CCDC102B: variants seen among roughly 807,000 people sequenced by gnomAD.
The protein encoded by CCDC102B is coiled-coil domain-containing protein 102B.
CCDC102B carries 75 observed loss-of-function variants against 57.4 expected under a neutral mutation model. The observed-to-expected ratio is 1.31, with a 90% confidence interval of 1.08 to 1.58. The LOEUF (loss-of-function observed/expected upper bound fraction) is 1.58, where lower values mean the gene tolerates loss of function less well. Among genes scored for constraint, CCDC102B ranks in the 40% most tolerant of loss-of-function variants. The pLI is 0.00. For missense variants in CCDC102B, 636 were observed against 582.6 expected, an observed-to-expected ratio of 1.09 and a Z score of -0.94; for synonymous variants, 206 against 201.9, an observed-to-expected ratio of 1.02 and a Z score of -0.17.
chr18:68,984,196 A>G (rs1358485253), intron 6 of CCDC102B, among the ~76,000 whole-genome samples: 1 of 152,008 alleles, frequency 6.6e-6, no homozygotes, highest in African/African-American at 2.4e-5. Flanking sequence ...AAAGTTTAAA[A>G]TATCCTCTCT....
intron 7 of CCDC102B, among the ~76,000 whole-genome samples, chr18:69,028,879 C>CT (rs959401605): frequency 6.0e-5 from 9 of 151,098 alleles, no homozygotes; most frequent in Non-Finnish European, 8.8e-5. Flanking sequence ...GTGTACAGCT[C>CT]TTTTTTAAAA....
chr18:68,940,483 C>T (rs903840766), intron 6 of CCDC102B, among the ~76,000 whole-genome samples: 2 of 151,768 alleles, frequency 1.3e-5, no homozygotes, highest in Non-Finnish European at 2.9e-5. Flanking sequence ...ATGAAAGCCA[C>T]ATTATTTCAC....
At chr18:68,743,182 G>A (rs748745870) in intron 2 of CCDC102B, among the ~76,000 whole-genome samples, 269 of 151,358 alleles carry the variant, frequency 1.8e-3, no homozygotes, top group African/African-American at 6.2e-3. Context: ...CCTGGCCAAC[G>A]TGGTGAAACA....
chr18:68,999,623 G>T (rs1371320746), intron 6 of CCDC102B, among the ~76,000 whole-genome samples: 1 of 150,440 alleles, frequency 6.6e-6, no homozygotes, highest in Non-Finnish European at 1.5e-5. Flanking sequence ...TTGTTTGTTT[G>T]TTTGTTTTGT....
intron 6 of CCDC102B, among the ~76,000 whole-genome samples, chr18:68,968,894 A>T (rs1353625542): frequency 6.6e-6 from 1 of 152,174 alleles, no homozygotes; most frequent in African/African-American, 2.4e-5. Context: ...AAGCTGAATG[A>T]TATTCCATTC....
intron 6 of CCDC102B, among the ~76,000 whole-genome samples, chr18:68,999,696 C>G (rs563169086): frequency 2.0e-5 from 3 of 152,112 alleles, no homozygotes; most frequent in Non-Finnish European, 4.4e-5. Context: ...TAAGACTTCC[C>G]AAGTCACTCA....
intron 6 of CCDC102B, among the ~76,000 whole-genome samples, chr18:68,949,740 C>T (rs931918372): frequency 2.0e-5 from 3 of 151,994 alleles, no homozygotes; most frequent in South Asian, 2.1e-4. Flanking sequence ...TTTCGTCTTT[C>T]GCTACTCTGT....
chr18:68,799,541 A>G (rs1340393249), intron 1 of CCDC102B, among the ~76,000 whole-genome samples: 1 of 152,178 alleles, frequency 6.6e-6, no homozygotes, highest in East Asian at 1.9e-4. Context: ...AGGTCGTCAT[A>G]TCTCTTATGC....
intron 1 of CCDC102B, among the ~76,000 whole-genome samples, chr18:68,823,997 G>C (rs1288183798): frequency 8.3e-6 from 1 of 121,054 alleles, no homozygotes; most frequent in Non-Finnish European, 1.6e-5. Context: ...TTCCCATTTT[G>C]CCGGCTATTT....
intron 1 of CCDC102B, among the ~76,000 whole-genome samples, chr18:68,819,762 A>T (rs2036623638): frequency 6.6e-6 from 1 of 151,976 alleles, no homozygotes; most frequent in Non-Finnish European, 1.5e-5. Context: ...TTACGAGTGT[A>T]TTGTAGTTTA....
intron 6 of CCDC102B, among the ~76,000 whole-genome samples, chr18:68,934,116 TCTAGG>T (rs1369129326): frequency 1.3e-5 from 2 of 151,974 alleles, no homozygotes; most frequent in Non-Finnish European, 2.9e-5. Flanking sequence ...GAGGCAACTC[TCTAGG>T]CTCTGTACTT....
intron 1 of CCDC102B, among the ~76,000 whole-genome samples, chr18:68,801,611 A>G (rs542148289): frequency 1.3e-5 from 2 of 152,274 alleles, no homozygotes; most frequent in South Asian, 2.1e-4. Context: ...AATATATCTT[A>G]TCATAGTGTC....
chr18:68,827,632 A>T (rs1172798463), intron 1 of CCDC102B, among the ~76,000 whole-genome samples: 2 of 152,110 alleles, frequency 1.3e-5, no homozygotes, highest in East Asian at 3.9e-4. Flanking sequence ...AATGGCAGAT[A>T]TAAGTTCTAA....
At chr18:68,917,304 C>T (rs1322684112) in intron 6 of CCDC102B, among the ~76,000 whole-genome samples, 1 of 152,012 alleles carries the variant, frequency 6.6e-6, no homozygotes, top group Admixed American at 6.6e-5. Flanking sequence ...CCACAGTACC[C>T]TGGGTTGGTC....
chr18:68,984,403 A>G (rs547041748), intron 6 of CCDC102B, among the ~76,000 whole-genome samples: 103 of 152,248 alleles, frequency 6.8e-4, no homozygotes, highest in African/African-American at 2.4e-3. Flanking sequence ...GACAAACCAT[A>G]AAGAGTTTCC....
At chr18:68,903,513 T>C (rs1041702703) in intron 6 of CCDC102B, among the ~76,000 whole-genome samples, 4 of 152,194 alleles carry the variant, frequency 2.6e-5, no homozygotes, top group Non-Finnish European at 4.4e-5. Context: ...TTTTATATGA[T>C]CTATGGCATA....
At chr18:68,990,008 T>A (rs970499691) in intron 6 of CCDC102B, among the ~76,000 whole-genome samples, 1 of 152,232 alleles carries the variant, frequency 6.6e-6, no homozygotes, top group East Asian at 1.9e-4. Flanking sequence ...AGCTCCTCTG[T>A]ATAGGACCCA....
chr18:68,839,110 T>A, intron 3 of CCDC102B, 184 bp downstream of exon 3: 1 of 606,034 alleles, frequency 1.7e-6, no homozygotes, highest in Non-Finnish European at 2.9e-6. Context: ...GTTTATAACT[T>A]GTTAGTGTTT....
At chr18:68,984,811 T>C (rs940296487) in intron 6 of CCDC102B, among the ~76,000 whole-genome samples, 1 of 152,174 alleles carries the variant, frequency 6.6e-6, no homozygotes, top group Non-Finnish European at 1.5e-5. Context: ...AAATGTATCA[T>C]ATTTCCAGAC....
Sources: gnomAD v4.1 joint callset for allele counts (sites outside exome capture counted in the v4.1 genomes callset) on GRCh38, gnomAD v4.1.1 for gene constraint, MANE v1.5 for transcripts, NCBI Gene and HGNC (gene_info 2026-07-23, HGNC 2026-07-21) for gene names.